The following SMOC2 variants were observed in gnomAD, a reference collection of about 807,000 sequenced individuals.
SMOC2 encodes SPARC-related modular calcium-binding protein 2.
A neutral mutation model predicts 61.4 loss-of-function variants in SMOC2; 39 were observed. The ratio of observed to expected loss-of-function variants is 0.64; its 90% CI spans 0.49 to 0.83. SMOC2 has a LOEUF of 0.83. SMOC2 is among the 40% of genes least tolerant of loss of function. SMOC2 has a pLI of 0.00. For missense variants in SMOC2, 556 were observed against 592.9 expected (o/e 0.94, Z 0.65); for synonymous variants, 247 against 239.9 (o/e 1.03, Z -0.27).
chr6:168,566,682 T>C (rs1784551051), intron 7 of SMOC2, among the ~76,000 whole-genome samples: 1 of 151,332 alleles, frequency 6.6e-6, no homozygotes, highest in South Asian at 2.1e-4. Flanking sequence ...TAGTGGAGAG[T>C]AGAGTATTTT....
chr6:168,441,729 C>T (rs549284094), intron 1 of SMOC2, among the ~76,000 whole-genome samples: 64 of 152,296 alleles, frequency 4.2e-4, no homozygotes, highest in African/African-American at 1.5e-3. Flanking sequence ...CGGCTGGGAC[C>T]CCACCTGCCT....
intron 9 of SMOC2, among the ~76,000 whole-genome samples, chr6:168,608,670 G>A (rs1008952955): frequency 2.6e-5 from 4 of 152,194 alleles, no homozygotes; most frequent in African/African-American, 9.7e-5. Context: ...GAAAACATGA[G>A]TTGAATGTAT....
intron 4 of SMOC2, among the ~76,000 whole-genome samples, chr6:168,528,307 A>T (rs1783504036): frequency 8.0e-6 from 1 of 124,894 alleles, no homozygotes; most frequent in African/African-American, 2.8e-5. Context: ...AATGATTTAG[A>T]TCATTTTTAT....
chr6:168,639,396 G>A (rs1257364853), intron 9 of SMOC2, among the ~76,000 whole-genome samples: 8 of 152,102 alleles, frequency 5.3e-5, no homozygotes, highest in Admixed American at 5.2e-4. Context: ...AGTTTTAATT[G>A]AAATATGACC....
At chr6:168,579,359 A>C (rs1212163885) in intron 7 of SMOC2, among the ~76,000 whole-genome samples, 1 of 152,224 alleles carries the variant, frequency 6.6e-6, no homozygotes, top group Non-Finnish European at 1.5e-5. Context: ...AGTCTATTTT[A>C]AAGTGGGATT....
At chr6:168,623,973 G>A (rs12525401) in intron 9 of SMOC2, among the ~76,000 whole-genome samples, 43,426 of 152,070 alleles carry the variant, frequency 0.29, 6,534 homozygotes, top group African/African-American at 0.36. Context: ...GCGGCTGGGT[G>A]GGGCATCGCC....
chr6:168,508,530 G>A (rs1782929380), intron 1 of SMOC2, among the ~76,000 whole-genome samples: 1 of 152,214 alleles, frequency 6.6e-6, no homozygotes, highest in Non-Finnish European at 1.5e-5. Flanking sequence ...GGCAAAGCTA[G>A]CCTTTAAACA....
At chr6:168,566,577 G>T (rs1784547266) in intron 7 of SMOC2, among the ~76,000 whole-genome samples, 1 of 149,144 alleles carries the variant, frequency 6.7e-6, no homozygotes, top group South Asian at 2.1e-4. Context: ...CCACCTCCCA[G>T]GTTCAAGTGA....
chr6:168,558,978 C>G (rs1784324984), intron 7 of SMOC2, among the ~76,000 whole-genome samples: 1 of 152,202 alleles, frequency 6.6e-6, no homozygotes, highest in South Asian at 2.1e-4. Context: ...TGTATGCGTG[C>G]ACACATGCAT....
intron 7 of SMOC2, among the ~76,000 whole-genome samples, chr6:168,554,230 A>G (rs937934234): frequency 6.6e-6 from 1 of 152,244 alleles, no homozygotes; most frequent in Non-Finnish European, 1.5e-5. Context: ...AGTCTCCCAC[A>G]AGACAGGAGG....
chr6:168,659,597 G>T (rs76307917), intron 11 of SMOC2, among the ~76,000 whole-genome samples: 1 of 133,460 alleles, frequency 7.5e-6, no homozygotes, highest in Non-Finnish European at 1.7e-5. Flanking sequence ...TTGTAGGTTG[G>T]GTGAGGGTGG....
Position 168,653,231 on chromosome 6 carries a change from A to G in SMOC2, c.1285+3A>G. ...AGCGGACACCAAGAAACGCCACAGT[A>G]AGAGCTTTCCCACCCCCGACCCTGG... On this transcript the variant is annotated splice_donor_region_variant and intron_variant, in intron 11 of 12. Transcript: ENST00000356284. 1.2e-6 allele frequency: 2 copies of G among 1,609,844 alleles called. No individual in the cohort carries two copies. Among genetic ancestry groups the G allele is most frequent in the Non-Finnish European group, 1.7e-6 (2 of 1,177,566 alleles).
intron 2 of SMOC2, among the ~76,000 whole-genome samples, chr6:168,523,384 G>A (rs1257107089): frequency 2.0e-5 from 3 of 146,574 alleles, no homozygotes; most frequent in East Asian, 4.2e-4. Context: ...CACCGCGCCC[G>A]GCCAGTAATT....
intron 6 of SMOC2, among the ~76,000 whole-genome samples, chr6:168,548,221 T>G (rs1271183800): frequency 6.6e-6 from 1 of 152,208 alleles, no homozygotes; most frequent in Non-Finnish European, 1.5e-5. Context: ...CTGAATGCCC[T>G]TCCGCAGATG....
rs1295824199 is a variant in SMOC2 at position 168,453,471 on chromosome 6, C to T, written c.84+12017C>T. 2.6e-5 allele frequency among the ~76,000 whole-genome samples: 4 copies of T among 152,060 alleles called. 1 individual carries two copies. In the East Asian group the frequency reaches 5.8e-4, roughly 22 times the overall value. ...CTCTGTCTCTGTGTGTCTCTCAGTTCTGTCTCTCAGTTTCTGCCATTCTCT... is the reference window on the plus strand; with the variant it reads ...CTCTGTCTCTGTGTGTCTCTCAGTTTTGTCTCTCAGTTTCTGCCATTCTCT... On this transcript the variant is annotated intron_variant, in intron 1 of 12. Coordinates refer to ENST00000356284, the MANE Select transcript of SMOC2 (RefSeq NM_001166412.2). The surrounding 1 kb of genome is among the most constrained non-coding windows in gnomAD (Gnocchi z 4.4).
At chr6:168,515,083 G>T (rs1368527508) in intron 2 of SMOC2, among the ~76,000 whole-genome samples, 2 of 152,160 alleles carry the variant, frequency 1.3e-5, no homozygotes, top group Non-Finnish European at 2.9e-5. Context: ...TAGTTTATTT[G>T]TACCTGCATC....
chr6:168,566,686 G>A (rs1784551304), intron 7 of SMOC2, among the ~76,000 whole-genome samples: 1 of 151,708 alleles, frequency 6.6e-6, no homozygotes, highest in African/African-American at 2.4e-5. Context: ...GGAGAGTAGA[G>A]TATTTTGTAT....
intron 9 of SMOC2, among the ~76,000 whole-genome samples, chr6:168,613,148 G>A (rs1785932175): frequency 6.6e-6 from 1 of 152,194 alleles, no homozygotes; most frequent in Admixed American, 6.5e-5. Flanking sequence ...GTGACGATCT[G>A]CGCTGCGTGC....
intron 1 of SMOC2, among the ~76,000 whole-genome samples, chr6:168,454,857 TC>T (rs1319606788): frequency 6.6e-6 from 1 of 152,180 alleles, no homozygotes; most frequent in Non-Finnish European, 1.5e-5. Flanking sequence ...TGGCCAGTGT[TC>T]CAGCAGATGC....
Sources: allele counts gnomAD v4.1 joint callset (sites outside exome capture counted in the v4.1 genomes callset), GRCh38; gene constraint gnomAD v4.1.1; non-coding constraint Gnocchi (gnomAD v3.1); transcripts MANE v1.5; gene names NCBI Gene and HGNC (gene_info 2026-07-23, HGNC 2026-07-21).